PANK4: variants seen among roughly 807,000 people sequenced by gnomAD.
PANK4 encodes the protein 4'-phosphopantetheine phosphatase.
A neutral mutation model predicts 87.9 loss-of-function variants in PANK4; 40 were observed. The ratio of observed to expected loss-of-function variants is 0.46; its 90% CI spans 0.35 to 0.59. PANK4 has a LOEUF of 0.59. Among genes scored for constraint, PANK4 ranks in the 20% least tolerant of loss-of-function variants. The pLI is 0.00. For synonymous variants in PANK4, 524 were observed against 467.4 expected, an observed-to-expected ratio of 1.12 and a Z score of -1.56; for missense variants, 926 against 1,072.3, an observed-to-expected ratio of 0.86 and a Z score of 1.90.
chr1:2,526,429 C>T (rs772868334), intron 1 of PANK4, 35 bp downstream of exon 1: 106 of 1,222,666 alleles, frequency 8.7e-5, no homozygotes, highest in Non-Finnish European at 1.1e-4. Context: ...CCGCCCGCCC[C>T]CGCAGCCCGC....
At position 2,508,933 on chromosome 1, in the gene PANK4, C is replaced by T. The variant is rs1210862815; in HGVS notation, c.2236G>A (p.Ala746Thr). Reference protein sequence around the residue: ...AALRCESLKLAVIKNAWLAER... With the variant: ...AALRCESLKLTVIKNAWLAER... ...GCCAGCCACGCGTTCTTGATGACGG[C>T]CAGCTTGAGGCTCTCGCAGCGCAGG... The change falls in exon 19 of 19, where the codon GCC becomes ACC. Residue 746 changes from alanine (A) to threonine (T), a missense_variant. By Grantham distance (58) the Ala-to-Thr change is moderately conservative. Transcript: ENST00000378466. This position sits in a 1 kb window ranked among gnomAD's most constrained non-coding sequence, Gnocchi z 5.1. 2 of 1,610,694 alleles carry T rather than the reference C, an allele frequency of 1.2e-6. No individual in the cohort carries two copies. Among genetic ancestry groups the T allele is most frequent in the Non-Finnish European group, 1.7e-6 (2 of 1,179,144 alleles).
Position 2,514,358 on chromosome 1 carries a change from G to C in PANK4, c.1483C>G (p.Pro495Ala), listed in dbSNP as rs1430450586. ...ACCGGGGTGCTGGGCACTTACAAGG[G>C]CTGCTGCCTCAGGGTCTGAAGCTTG... ...WNKLQTLRQQ[P>A]FAYGTLTVRS... Residue 495 changes from proline to alanine, a missense_variant, in exon 11 of 19, where the codon CCC (proline) becomes GCC (alanine). Transcript: ENST00000378466. 6.2e-7 allele frequency: 1 copy of C among 1,609,784 alleles called. No individual in the cohort carries two copies. The highest frequency in any genetic ancestry group is 1.3e-5 in the African/African-American group (1 of 74,830).
intron 9 of PANK4, 67 bp downstream of exon 9, chr1:2,518,097 A>T: frequency 1.1e-6 from 1 of 940,062 alleles, no homozygotes; most frequent in South Asian, 1.6e-5. Flanking sequence ...TCGCTCAGGG[A>T]CAGGCGAGGT....
In PANK4 at chr1:2,520,053, G is replaced by C; in HGVS notation, c.700-99C>G. ...CATGGCAGGAGGCACGCGCGGGCAG[G>C]GGGTAAATGGGCCCTCATCGCGTGG... On this transcript the variant is annotated intron_variant, in intron 5 of 18. Transcript: ENST00000378466. The surrounding 1 kb of genome is among the most constrained non-coding windows in gnomAD (Gnocchi z 6.2). 8.6e-7 allele frequency: 1 copy of C among 1,156,926 alleles called. No homozygotes were observed. Among genetic ancestry groups the C allele is most frequent in the Non-Finnish European group, 1.2e-6 (1 of 832,930 alleles). The allele number at this position is 1,156,926 out of a possible 1,614,324, so 71.7% of individuals were successfully genotyped here. A position where few individuals can be genotyped will look rare whatever the true frequency, so the allele number is the denominator to read the frequency against.
chr1:2,510,532 T>C lies in PANK4; in HGVS notation c.1938+146A>G. 1 of 658,026 alleles carries C rather than the reference T, an allele frequency of 1.5e-6. No individual in the cohort carries two copies. The highest frequency in any genetic ancestry group is 2.7e-6 in the Non-Finnish European group (1 of 368,894). 40.8% of individuals were successfully genotyped at this position (658,026 alleles called of 1,614,324 possible). A position where few individuals can be genotyped will look rare whatever the true frequency, so the allele number is the denominator to read the frequency against. ...CCTCCACCCCAGCAGATGACGGCTC[T>C]GGGCCGCCTCCCCCGTGCTGCTGCC... On this transcript the variant is annotated intron_variant, in intron 16 of 18. Transcript: ENST00000378466. The surrounding 1 kb of genome is among the most constrained non-coding windows in gnomAD (Gnocchi z 4.9).
intron 13 of PANK4, chr1:2,512,666 G>A (rs986986991): frequency 3.6e-6 from 2 of 554,432 alleles, no homozygotes; most frequent in Non-Finnish European, 6.4e-6. Flanking sequence ...GCTTAAGGAA[G>A]GGGCCTCCTC....
At chr1:2,523,270 T>C (rs2494625) in intron 1 of PANK4, among the ~76,000 whole-genome samples, 116,121 of 152,000 alleles carry the variant, frequency 0.76, 44,777 homozygotes, top group East Asian at 0.95. Flanking sequence ...CCCCGACGGC[T>C]GGCGTACAGT....
chr1:2,519,373 C>T lies in PANK4; in HGVS notation c.854-49G>A, dbSNP rs376583919. The T allele has an allele frequency of 1.9e-5, 26 of 1,395,322 alleles. No homozygotes were observed. The highest frequency in any genetic ancestry group is 1.2e-4 in the Admixed American group (6 of 50,634). The allele number at this position is 1,395,322 out of a possible 1,614,324, so 86.4% of individuals were successfully genotyped here. Reference sequence around the variant, plus strand: ...CTCATCTCCAAGTACAGCAAGTGCACGACATGAGAGCGAGCAGGAGGGGAG... The same window carrying T: ...CTCATCTCCAAGTACAGCAAGTGCATGACATGAGAGCGAGCAGGAGGGGAG... On this transcript the variant is annotated intron_variant, in intron 6 of 18. Transcript: ENST00000378466. This position sits in a 1 kb window ranked among gnomAD's most constrained non-coding sequence, Gnocchi z 8.3.
Position 2,521,154 on chromosome 1 carries a change from G to T in PANK4, c.369C>A (p.Thr123=). The change falls in exon 3 of 19, where the codon ACC becomes ACA. Residue 123 remains threonine, a synonymous_variant. Coordinates refer to ENST00000378466, the MANE Select transcript of PANK4 (RefSeq NM_018216.4). ...VNTETKVIQA[T]GGGAYKFKDL... is the part of the protein sequence containing the mutation. The stretch of plus-strand genomic sequence containing the variant: ...CTTTGAACTTGTAGGCCCCGCCCCC[G>T]GTCGCCTGGATGACCTTGGTCTCTG... 6.2e-7 allele frequency: 1 copy of T among 1,613,964 alleles called. No homozygotes were observed. Among genetic ancestry groups the T allele is most frequent in the South Asian group, 1.1e-5 (1 of 91,084 alleles).
In PANK4 at chr1:2,520,737, C is replaced by T. The variant is rs1294842769; in HGVS notation, c.592G>A (p.Val198Ile). 6.2e-7 allele frequency: 1 copy of T among 1,613,146 alleles called. No homozygotes were observed. Among genetic ancestry groups the T allele is most frequent in the Non-Finnish European group, 8.5e-7 (1 of 1,179,742 alleles). ...CCGGGTCTTACCTTCACGATGGAGA[C>T]TCCAGAGCCGATATTGACAAGAAGA... is the stretch of plus-strand genomic sequence containing the variant. ...PYLLVNIGSG[V>I]SIVKVETEDR... The change falls in exon 4 of 19, where the codon GTC (valine) becomes ATC (isoleucine). Residue 198 changes from valine (V) to isoleucine (I), a missense_variant. Coordinates refer to ENST00000378466, the MANE Select transcript of PANK4 (RefSeq NM_018216.4). This position sits in a 1 kb window ranked among gnomAD's most constrained non-coding sequence, Gnocchi z 6.2.
Position 2,512,887 on chromosome 1 carries a change from C to T in PANK4, c.1727+1G>A, listed in dbSNP as rs766763222. 9 of 1,612,636 alleles carry T rather than the reference C, an allele frequency of 5.6e-6. No individual in the cohort carries two copies. Among genetic ancestry groups the T allele is most frequent in the Non-Finnish European group, 7.6e-6 (9 of 1,179,846 alleles). On this transcript the variant is annotated splice_donor_variant, in intron 13 of 18. Transcript: ENST00000378466. LOFTEE classifies it high-confidence loss of function. ...CCTGCTCCGAGCCCGCAGACACCTA[C>T]GCAGACACGGCTTTGGCCCCCCAGT...
chr1:2,514,356 G>A lies in PANK4; in HGVS notation c.1485C>T (p.Pro495=), dbSNP rs1390501739. Residue 495 remains proline, a splice_region_variant and synonymous_variant, in exon 11 of 19, where the codon CCC becomes CCT. Coordinates refer to ENST00000378466, the MANE Select transcript of PANK4 (RefSeq NM_018216.4). Reference sequence around the variant, plus strand: ...ACACCGGGGTGCTGGGCACTTACAAGGGCTGCTGCCTCAGGGTCTGAAGCT... The same window carrying A: ...ACACCGGGGTGCTGGGCACTTACAAAGGCTGCTGCCTCAGGGTCTGAAGCT... ...WNKLQTLRQQ[P]FAYGTLTVRS... 6.2e-7 allele frequency: 1 copy of A among 1,609,246 alleles called. No homozygotes were observed. The highest frequency in any genetic ancestry group is 8.5e-7 in the Non-Finnish European group (1 of 1,176,982).
At position 2,513,052 on chromosome 1, in the gene PANK4, C is replaced by G. The variant is rs1643690888; in HGVS notation, c.1576-13G>C. On this transcript the variant is annotated splice_polypyrimidine_tract_variant and intron_variant, in intron 12 of 18. Transcript: ENST00000378466. ...CCCGCTGCTTCACCTGTGGAGAGTG[C>G]CAGATGCCAGGCCTGAGTGAAGACG... is the stretch of plus-strand genomic sequence containing the variant. 6.3e-7 allele frequency: 1 copy of G among 1,582,328 alleles called. No homozygotes were observed. Among genetic ancestry groups the G allele is most frequent in the East Asian group, 2.3e-5 (1 of 44,216 alleles).
In PANK4 at chr1:2,515,388, A is replaced by ATTTTTGCCTCAAAAATACCAGGTG; in HGVS notation, c.1374+173_1374+174insCACCTGGTATTTTTGAGGCAAAAA. 1.4e-6 allele frequency: 1 copy of ATTTTTGCCTCAAAAATACCAGGTG among 727,756 alleles called. No homozygotes were observed. 45.1% of individuals were successfully genotyped at this position (727,756 alleles called of 1,614,324 possible). A position where few individuals can be genotyped will look rare whatever the true frequency, so the allele number is the denominator to read the frequency against. On this transcript the variant is annotated intron_variant, in intron 10 of 18. Transcript: ENST00000378466. This position sits in a 1 kb window ranked among gnomAD's most constrained non-coding sequence, Gnocchi z 5.0. The stretch of plus-strand genomic sequence containing the variant: ...CTCACTGACCCACCAGGTGGCCAGG[A>ATTTTTGCCTCAAAAATACCAGGTG]GCGGTATTTTTGCCTGAGAAACCAA...
At chr1:2,524,564 A>G (rs2100800711) in intron 1 of PANK4, among the ~76,000 whole-genome samples, 1 of 152,088 alleles carries the variant, frequency 6.6e-6, no homozygotes, top group South Asian at 2.1e-4. Flanking sequence ...CTACCAAGAA[A>G]CCCCCTGGGC....
chr1:2,525,455 T>C (rs1643912695), intron 1 of PANK4: 1 of 152,016 alleles, frequency 6.6e-6, no homozygotes, highest in Admixed American at 6.5e-5. Context: ...CCGCAGCGGC[T>C]ATTCAAGGGG....
rs1570536430 is a variant in PANK4, at chr1:2,514,178, G to A, written c.1488-89C>T. On this transcript the variant is annotated intron_variant, in intron 11 of 18. Coordinates refer to ENST00000378466, the MANE Select transcript of PANK4 (RefSeq NM_018216.4). ...CTCGGCTGTGCCACGGACGTCCTCA[G>A]GAGCCCGGCAGTGCAAACGCTGCTT... The A allele has an allele frequency of 3.9e-6, 5 of 1,269,828 alleles. No homozygotes were observed. The East Asian group carries it at 9.3e-5, about 24-fold the overall frequency. The allele number at this position is 1,269,828 out of a possible 1,614,324, so 78.7% of individuals were successfully genotyped here.
At position 2,515,834 on chromosome 1, in the gene PANK4, C is replaced by T. The variant is rs1384071048; in HGVS notation, c.1219-117G>A. The T allele has an allele frequency of 3.6e-5, 38 of 1,046,866 alleles. No homozygotes were observed. The highest frequency in any genetic ancestry group is 7.8e-5 in the East Asian group (3 of 38,370). The allele number at this position is 1,046,866 out of a possible 1,614,324, so 64.8% of individuals were successfully genotyped here. A position where few individuals can be genotyped will look rare whatever the true frequency, so the allele number is the denominator to read the frequency against. On this transcript the variant is annotated intron_variant, in intron 9 of 18. Transcript: ENST00000378466. This position sits in a 1 kb window ranked among gnomAD's most constrained non-coding sequence, Gnocchi z 5.0. The stretch of plus-strand genomic sequence containing the variant: ...GGAGATGTACTGCCTTCTTCCGCCA[C>T]GTCTCTGGGCCACAGACGAGACCCC...
At chr1:2,521,516 G>A in intron 2 of PANK4, 1 of 692,810 alleles carries the variant, frequency 1.4e-6, no homozygotes, top group East Asian at 2.6e-5. Context: ...GCCTCTCCCG[G>A]GGGAGCACAG....
Sources: gnomAD v4.1 joint callset for allele counts (sites outside exome capture counted in the v4.1 genomes callset) on GRCh38, gnomAD v4.1.1 for gene constraint, Gnocchi (gnomAD v3.1) non-coding constraint, MANE v1.5 for transcripts, NCBI Gene and HGNC (gene_info 2026-07-23, HGNC 2026-07-21) for gene names.